MYH3: variants seen among roughly 807,000 people sequenced by gnomAD.
The protein encoded by MYH3 is myosin heavy chain 3.
A neutral mutation model predicts 238.0 loss-of-function variants in MYH3; 130 were observed. That is an observed-to-expected ratio of 0.55 (90% CI 0.47 to 0.63). The LOEUF (loss-of-function observed/expected upper bound fraction) is 0.63, where lower values mean the gene tolerates loss of function less well. Ranked by LOEUF, MYH3 falls within the 30% of genes least tolerant of loss-of-function variation. The pLI is 0.00. For missense variants in MYH3, 1,853 were observed against 2,374.9 expected (o/e 0.78, Z 4.57); for synonymous variants, 880 against 924.1 (o/e 0.95, Z 0.86).
the MYH3 span, among the ~76,000 whole-genome samples, chr17:10,667,759 AAAAC>A: frequency 2.0e-5 from 3 of 152,254 alleles, no homozygotes; most frequent in East Asian, 1.9e-4. Context: ...CGTTAAAAAA[AAAAC>A]AGTGTTCTGG....
chr17:10,668,931 T>C, the MYH3 span, among the ~76,000 whole-genome samples: 1 of 152,232 alleles, frequency 6.6e-6, no homozygotes, highest in African/African-American at 2.4e-5. Flanking sequence ...AACTTTCACA[T>C]AGCAAAGATT....
intron 7 of MYH3, 146 bp downstream of exon 7, chr17:10,649,431 A>C: frequency 1.4e-6 from 1 of 732,412 alleles, no homozygotes. Flanking sequence ...GTCTAAGGTG[A>C]CTGGCTGTCC....
the MYH3 span, among the ~76,000 whole-genome samples, chr17:10,670,039 T>C: frequency 2.0e-5 from 3 of 152,210 alleles, no homozygotes; most frequent in East Asian, 3.9e-4. The surrounding 1 kb of genome is among the most constrained non-coding windows in gnomAD (Gnocchi z 7.0). Flanking sequence ...TGTATGTATG[T>C]TGAAGGTGGG....
Position 10,640,479 on chromosome 17 carries a change from C to T in MYH3, c.2290-10G>A, listed in dbSNP as rs1468011025. 6.2e-7 allele frequency: 1 copy of T among 1,614,222 alleles called. No homozygotes were observed. Among genetic ancestry groups the T allele is most frequent in the Non-Finnish European group, 8.5e-7 (1 of 1,180,048 alleles). The stretch of plus-strand genomic sequence containing the variant: ...CAGCCTTGAAGAACACCTTATGGGG[C>T]AGAAGGGTGACATGAGTCAGTTTCC... On this transcript the variant is annotated splice_polypyrimidine_tract_variant and intron_variant, in intron 20 of 40. Coordinates refer to ENST00000583535, the MANE Select transcript of MYH3 (RefSeq NM_002470.4).
rs541839271 is a variant in MYH3 at position 10,641,508 on chromosome 17, C to CT, written c.1960-137dup. The CT allele has an allele frequency of 0.056, 6,190 of 109,774 alleles. 84 individuals are homozygous for CT. Among genetic ancestry groups the CT allele is most frequent in the South Asian group, 0.088 (1,412 of 16,014 alleles). 6.8% of individuals were successfully genotyped at this position (109,774 alleles called of 1,614,324 possible). A position where few individuals can be genotyped will look rare whatever the true frequency, so the allele number is the denominator to read the frequency against. On this transcript the variant is annotated intron_variant, in intron 17 of 40. Coordinates refer to ENST00000583535, the MANE Select transcript of MYH3 (RefSeq NM_002470.4). ...GTATAGTGAAATGATTTAACTCTGT[C>CT]TTTTTTTTTTTTTTTTTTTTTTTTG...
chr17:10,652,664 C>T, intron 3 of MYH3, 101 bp from the exon 4 acceptor site: 1 of 1,328,414 alleles, frequency 7.5e-7, no homozygotes, highest in Non-Finnish European at 1.0e-6. Context: ...CTTTGTCGCC[C>T]AGGCTGGAGT....
At chr17:10,671,216 T>C in the MYH3 span, among the ~76,000 whole-genome samples, 10 of 152,142 alleles carry the variant, frequency 6.6e-5, no homozygotes, top group Non-Finnish European at 1.5e-4. Context: ...ATGGATGCCC[T>C]AGAGTTGGGC....
At chr17:10,667,424 G>C in the MYH3 span, among the ~76,000 whole-genome samples, 11 of 152,148 alleles carry the variant, frequency 7.2e-5, no homozygotes, top group African/African-American at 2.2e-4. Context: ...GCTCAAACCT[G>C]TAATCCCAGC....
chr17:10,634,225 T>C (rs781456417), intron 31 of MYH3, 43 bp from the exon 32 acceptor site: 1 of 1,609,760 alleles, frequency 6.2e-7, no homozygotes, highest in Non-Finnish European at 8.5e-7. Flanking sequence ...TGAGCTCTCC[T>C]CTAGGTTTCT....
intron 3 of MYH3, 44 bp from the exon 4 acceptor site, chr17:10,652,607 GTCTTTT>G: frequency 5.0e-5 from 30 of 605,192 alleles, no homozygotes; most frequent in Non-Finnish European, 7.5e-5. Flanking sequence ...TGGTCTGCAC[GTCTTTT>G]TTTTTTTTTT....
the MYH3 span, among the ~76,000 whole-genome samples, chr17:10,668,078 G>A: frequency 2.0e-5 from 3 of 152,152 alleles, no homozygotes; most frequent in Non-Finnish European, 2.9e-5. Flanking sequence ...TACATTCTTA[G>A]TGAGATATAT....
intron 8 of MYH3, among the ~76,000 whole-genome samples, chr17:10,648,091 T>C (rs536929186): frequency 6.6e-6 from 1 of 152,302 alleles, no homozygotes; most frequent in African/African-American, 2.4e-5. Flanking sequence ...CTCCTTCTCA[T>C]GGCCTGTGGC....
chr17:10,643,506 G>T (rs981663228), intron 14 of MYH3, among the ~76,000 whole-genome samples: 1 of 152,080 alleles, frequency 6.6e-6, no homozygotes, highest in Non-Finnish European at 1.5e-5. Flanking sequence ...CTCCAGAGTG[G>T]CTGGAACTAC....
At chr17:10,646,066 G>A in intron 10 of MYH3, 34 bp from the exon 11 acceptor site, 1 of 1,589,712 alleles carries the variant, frequency 6.3e-7, no homozygotes, top group Non-Finnish European at 8.6e-7. Context: ...AGGTTATGCA[G>A]ATGCAAAGAA....
At chr17:10,643,072 T>A in intron 14 of MYH3, 76 bp from the exon 15 acceptor site, 1 of 1,611,954 alleles carries the variant, frequency 6.2e-7, no homozygotes, top group Non-Finnish European at 8.5e-7. Context: ...TTCCTCCTCA[T>A]TGCCCCAGGT....
At chr17:10,672,281 T>C in the MYH3 span, among the ~76,000 whole-genome samples, 1 of 152,216 alleles carries the variant, frequency 6.6e-6, no homozygotes, top group Non-Finnish European at 1.5e-5. Flanking sequence ...TATGGATCTA[T>C]TCCATACTTT....
chr17:10,649,028 C>G (rs1413961839), intron 7 of MYH3, among the ~76,000 whole-genome samples: 1 of 152,186 alleles, frequency 6.6e-6, no homozygotes, highest in East Asian at 1.9e-4. Flanking sequence ...CTCACCCACT[C>G]TGTGACTCTG....
chr17:10,637,162 C>G (rs557216441), intron 28 of MYH3, among the ~76,000 whole-genome samples: 1 of 151,540 alleles, frequency 6.6e-6, no homozygotes, highest in Non-Finnish European at 1.5e-5. Flanking sequence ...TGGGTTCAAG[C>G]GATTCTCCTG....
rs145792814 is a variant in MYH3 at position 10,642,933 on chromosome 17, G to A, written c.1474C>T (p.His492Tyr). ...TNEKLQQFFN[H>Y]HMFVLEQEEY... ...TCCTGCTCCAGCACGAACATGTGGT[G>A]GTTGAAAAACTGTTGCAGTTTCTCA... Residue 492 changes from histidine to tyrosine, a missense_variant, in exon 15 of 41, where the codon CAC becomes TAC. Around this residue, in one of 3 missense-constraint regions of MYH3, gnomAD observed 678 missense variants for 1,058.9 expected, o/e 0.64. Transcript: ENST00000583535. This position sits in a 1 kb window ranked among gnomAD's most constrained non-coding sequence, Gnocchi z 5.4. 28 of 1,614,030 alleles carry A rather than the reference G, an allele frequency of 1.7e-5. No homozygotes were observed. The African/African-American group carries it at 3.7e-4, about 22-fold the overall frequency.
Sources: gnomAD v4.1 joint callset for allele counts (sites outside exome capture counted in the v4.1 genomes callset) on GRCh38, gnomAD v4.1.1 for gene constraint, gnomAD v4.1.1 regional missense constraint, Gnocchi (gnomAD v3.1) non-coding constraint, MANE v1.5 for transcripts, NCBI Gene and HGNC (gene_info 2026-07-23, HGNC 2026-07-21) for gene names.